KCNIP4: variants seen among roughly 807,000 people sequenced by gnomAD.
KCNIP4 encodes the protein potassium voltage-gated channel interacting protein 4.
KCNIP4 carries 12 observed loss-of-function variants against 34.0 expected under a neutral mutation model. That is an observed-to-expected ratio of 0.35 (90% CI 0.23 to 0.57). The LOEUF (loss-of-function observed/expected upper bound fraction) is 0.57. Among genes scored for constraint, KCNIP4 ranks in the 20% least tolerant of loss-of-function variants. KCNIP4 has a pLI of 0.83. For synonymous variants in KCNIP4, 124 were observed against 102.2 expected (o/e 1.21, Z -1.29); for missense variants, 238 against 311.7 (o/e 0.76, Z 1.78).
chr4:21,730,476 T>C (rs987736353), intron 1 of KCNIP4, among the ~76,000 whole-genome samples: 4 of 152,144 alleles, frequency 2.6e-5, no homozygotes, highest in African/African-American at 9.7e-5. Context: ...AGCTGCTTAC[T>C]GGGCTGGTTC....
chr4:21,121,037 T>C (rs1019227589), intron 1 of KCNIP4, among the ~76,000 whole-genome samples: 1 of 152,210 alleles, frequency 6.6e-6, no homozygotes, highest in Non-Finnish European at 1.5e-5. Context: ...CTGTGTGCTT[T>C]AAAATGAACT....
intron 3 of KCNIP4, among the ~76,000 whole-genome samples, chr4:20,761,057 A>G (rs1236686591): frequency 1.3e-5 from 2 of 152,274 alleles, no homozygotes; most frequent in African/African-American, 2.4e-5. Context: ...GCCCTCCACA[A>G]TGTGAGGGGG....
chr4:21,143,064 A>G (rs889191546), intron 1 of KCNIP4, among the ~76,000 whole-genome samples: 2 of 152,208 alleles, frequency 1.3e-5, no homozygotes, highest in African/African-American at 4.8e-5. Context: ...AGAATCCTCA[A>G]GATAGCTCCC....
At chr4:21,106,421 T>G (rs1226396134) in intron 1 of KCNIP4, among the ~76,000 whole-genome samples, 1 of 151,746 alleles carries the variant, frequency 6.6e-6, no homozygotes, top group Non-Finnish European at 1.5e-5. Flanking sequence ...GTAGTTTGTA[T>G]TTCTGTGGGA....
rs540040195 is a variant in KCNIP4 at position 21,251,049 on chromosome 4, T to C, written c.62-368340A>G. Among the ~76,000 whole-genome samples the C allele has an allele frequency of 5.9e-5, 9 of 152,186 alleles. No homozygotes were observed. The East Asian group carries it at 1.4e-3, about 23-fold the overall frequency. Reference sequence around the variant, plus strand: ...CAGAACTGTTCATGACAGCTTTTTTTAAATTATTGAAGAAATAGACTCAAT... The same window carrying C: ...CAGAACTGTTCATGACAGCTTTTTTCAAATTATTGAAGAAATAGACTCAAT... On this transcript the variant is annotated intron_variant, in intron 1 of 8. Coordinates refer to ENST00000382152, the MANE Select transcript of KCNIP4 (RefSeq NM_025221.6).
chr4:21,782,318 C>T (rs943884325), intron 1 of KCNIP4, among the ~76,000 whole-genome samples: 1 of 152,074 alleles, frequency 6.6e-6, no homozygotes, highest in African/African-American at 2.4e-5. Flanking sequence ...ACATAAGATA[C>T]AAAACAAATT....
chr4:21,820,457 G>T (rs1422428793), intron 1 of KCNIP4, among the ~76,000 whole-genome samples: 1 of 151,632 alleles, frequency 6.6e-6, no homozygotes, highest in Non-Finnish European at 1.5e-5. Flanking sequence ...AAGCCAATTG[G>T]ATGTATACAA....
intron 1 of KCNIP4, among the ~76,000 whole-genome samples, chr4:20,914,252 T>C (rs1292317074): frequency 2.0e-5 from 3 of 152,178 alleles, no homozygotes; most frequent in Non-Finnish European, 4.4e-5. Context: ...TTATCTATTA[T>C]TATGATCGCT....
intron 1 of KCNIP4, among the ~76,000 whole-genome samples, chr4:20,911,815 A>G (rs1252225654): frequency 6.6e-6 from 1 of 152,214 alleles, no homozygotes; most frequent in African/African-American, 2.4e-5. Context: ...AAGTCCGTCA[A>G]ACAGATTTTT....
intron 1 of KCNIP4, among the ~76,000 whole-genome samples, chr4:21,612,705 A>G (rs993465946): frequency 1.3e-5 from 2 of 152,222 alleles, no homozygotes; most frequent in Non-Finnish European, 2.9e-5. Context: ...ATGGACACGC[A>G]AAATCAAAGC....
intron 1 of KCNIP4, among the ~76,000 whole-genome samples, chr4:21,179,646 G>A (rs982665258): frequency 1.3e-5 from 2 of 152,200 alleles, no homozygotes; most frequent in African/African-American, 4.8e-5. Flanking sequence ...ACATGTGGGT[G>A]TTATGCATTG....
At chr4:21,922,103 G>T (rs1444199664) in intron 1 of KCNIP4, among the ~76,000 whole-genome samples, 1 of 152,106 alleles carries the variant, frequency 6.6e-6, no homozygotes, top group African/African-American at 2.4e-5. Flanking sequence ...CTTTGCATGA[G>T]CAGTGTCTTC....
At chr4:21,151,358 G>GAGGTAGA (rs1366754056) in intron 1 of KCNIP4, among the ~76,000 whole-genome samples, 1 of 150,638 alleles carries the variant, frequency 6.6e-6, no homozygotes, top group East Asian at 1.9e-4. Flanking sequence ...GTCTACTTGG[G>GAGGTAGA]CTGCCATTAA....
intron 1 of KCNIP4, among the ~76,000 whole-genome samples, chr4:20,926,208 C>T (rs1011675421): frequency 1.3e-5 from 2 of 152,210 alleles, no homozygotes; most frequent in African/African-American, 4.8e-5. Flanking sequence ...CTGTTTCAGG[C>T]CTGCTCTGTT....
chr4:21,443,762 A>C (rs926007008), intron 1 of KCNIP4, among the ~76,000 whole-genome samples: 1 of 152,142 alleles, frequency 6.6e-6, no homozygotes, highest in Admixed American at 6.5e-5. Context: ...GTGAGACTCC[A>C]TCTCCACACA....
intron 1 of KCNIP4, among the ~76,000 whole-genome samples, chr4:21,337,362 C>A (rs951109450): frequency 6.6e-6 from 1 of 152,076 alleles, no homozygotes; most frequent in African/African-American, 2.4e-5. Context: ...AAACCAATTT[C>A]TTCTGAGGCC....
chr4:21,016,442 C>G, intron 1 of KCNIP4, among the ~76,000 whole-genome samples: 1 of 151,132 alleles, frequency 6.6e-6, no homozygotes, highest in Non-Finnish European at 1.5e-5. Flanking sequence ...ACTACAGGTG[C>G]CCGCCACCAC....
intron 1 of KCNIP4, among the ~76,000 whole-genome samples, chr4:21,896,166 T>C (rs1208569381): frequency 6.6e-6 from 1 of 152,172 alleles, no homozygotes; most frequent in East Asian, 1.9e-4. Flanking sequence ...ATCTTACATA[T>C]GAAATTTCAC....
intron 1 of KCNIP4, among the ~76,000 whole-genome samples, chr4:20,946,388 C>G (rs965064787): frequency 1.3e-5 from 2 of 152,044 alleles, no homozygotes; most frequent in African/African-American, 4.8e-5. Flanking sequence ...TTTCGAGAAA[C>G]AGAGAGAAGG....
Sources: gnomAD v4.1 joint callset for allele counts (sites outside exome capture counted in the v4.1 genomes callset) on GRCh38, gnomAD v4.1.1 for gene constraint, MANE v1.5 for transcripts, NCBI Gene and HGNC (gene_info 2026-07-23, HGNC 2026-07-21) for gene names.